Variants in PCDH9 observed in about 807,000 individuals in gnomAD.
PCDH9 encodes protocadherin-9.
PCDH9 carries 24 observed loss-of-function variants against 70.6 expected under a neutral mutation model. The ratio of observed to expected loss-of-function variants is 0.34; its 90% CI spans 0.25 to 0.48. The LOEUF (loss-of-function observed/expected upper bound fraction) is 0.48, where lower values mean the gene tolerates loss of function less well. PCDH9 is among the 20% of genes least tolerant of loss of function. The probability of loss-of-function intolerance (pLI) is 0.99; values close to 1 mark genes in which losing one functional copy is unlikely to be tolerated. For synonymous variants in PCDH9, 562 were observed against 558.5 expected, an observed-to-expected ratio of 1.01 and a Z score of -0.09; for missense variants, 1,281 against 1,503.6, an observed-to-expected ratio of 0.85 and a Z score of 2.45.
At chr13:66,440,149 A>T (rs1246064232) in intron 4 of PCDH9, among the ~76,000 whole-genome samples, 1 of 152,218 alleles carries the variant, frequency 6.6e-6, no homozygotes, top group Non-Finnish European at 1.5e-5. Context: ...TACTTCGATG[A>T]GAAGTCTTTC....
At position 67,228,209 on chromosome 13, in the gene PCDH9, C is replaced by T; in HGVS notation, c.232G>A (p.Val78Ile). ...SKAGDAPLVK[V>I]SSSTGEIFTT... ...AAAATTTCCCCAGTGCTGCTGGAAA[C>T]TTTCACCAAAGGGGCATCCCCAGCT... is the stretch of plus-strand genomic sequence containing the variant. The change falls in exon 2 of 5, where the codon GTT becomes ATT. Residue 78 changes from valine (V) to isoleucine (I), a missense_variant. Val to Ile is a conservative substitution (Grantham distance 29, BLOSUM62 3). Coordinates refer to ENST00000377865, the MANE Select transcript of PCDH9 (RefSeq NM_203487.3). 1 of 1,612,276 alleles carries T rather than the reference C, an allele frequency of 6.2e-7. No individual in the cohort carries two copies. Among genetic ancestry groups the T allele is most frequent in the Non-Finnish European group, 8.5e-7 (1 of 1,179,292 alleles).
chr13:67,020,278 T>C (rs979308499), intron 2 of PCDH9, among the ~76,000 whole-genome samples: 3 of 152,196 alleles, frequency 2.0e-5, no homozygotes, highest in African/African-American at 7.2e-5. Context: ...ATATTATGTA[T>C]GACTTATGCC....
intron 3 of PCDH9, among the ~76,000 whole-genome samples, chr13:66,851,889 G>A (rs886295206): frequency 6.6e-6 from 1 of 152,054 alleles, no homozygotes; most frequent in African/African-American, 2.4e-5. Flanking sequence ...CCAATATCAA[G>A]GTGTCAGCCA....
chr13:66,892,371 G>T (rs987362186), intron 3 of PCDH9, among the ~76,000 whole-genome samples: 6 of 151,432 alleles, frequency 4.0e-5, no homozygotes, highest in African/African-American at 1.5e-4. Context: ...TCCATAATAA[G>T]ATGTCCATTT....
chr13:66,991,070 C>T (rs544012642), intron 2 of PCDH9: 1 of 152,050 alleles, frequency 6.6e-6, no homozygotes, highest in Admixed American at 6.6e-5. Flanking sequence ...TCCAACTTGC[C>T]AGTTACACAT....
At chr13:66,497,886 T>C (rs917032274) in intron 4 of PCDH9, among the ~76,000 whole-genome samples, 2 of 150,262 alleles carry the variant, frequency 1.3e-5, no homozygotes, top group Non-Finnish European at 3.0e-5. Context: ...TGGTGTGATC[T>C]TGGCTGACTG....
chr13:66,472,624 T>C (rs1958642437), intron 4 of PCDH9, among the ~76,000 whole-genome samples: 1 of 152,144 alleles, frequency 6.6e-6, no homozygotes, highest in Non-Finnish European at 1.5e-5. Flanking sequence ...GTTCTTTCGA[T>C]TGTCTTACTT....
chr13:67,110,711 T>C (rs1204143752), intron 2 of PCDH9, among the ~76,000 whole-genome samples: 3 of 152,164 alleles, frequency 2.0e-5, no homozygotes, highest in Admixed American at 6.5e-5. Context: ...GGTAAGGAAA[T>C]AGAAGTTCCT....
chr13:67,164,945 T>C (rs182640072), intron 2 of PCDH9, among the ~76,000 whole-genome samples: 2 of 152,270 alleles, frequency 1.3e-5, no homozygotes, highest in East Asian at 3.9e-4. Flanking sequence ...GTTAATTCAT[T>C]TACCTGTTGA....
intron 2 of PCDH9, among the ~76,000 whole-genome samples, chr13:67,012,201 A>T (rs2084464675): frequency 6.6e-6 from 1 of 151,882 alleles, no homozygotes; most frequent in Non-Finnish European, 1.5e-5. Flanking sequence ...ATTTTTAAAC[A>T]GTGATTCTAT....
At chr13:67,069,554 C>A (rs1374896564) in intron 2 of PCDH9, among the ~76,000 whole-genome samples, 1 of 152,070 alleles carries the variant, frequency 6.6e-6, no homozygotes, top group Non-Finnish European at 1.5e-5. Flanking sequence ...AGCATCAGAC[C>A]AGTTACAAGC....
At chr13:67,202,100 G>T (rs2089227937) in intron 2 of PCDH9, 1 of 151,668 alleles carries the variant, frequency 6.6e-6, no homozygotes, top group Admixed American at 6.6e-5. Flanking sequence ...TTTTCTATAG[G>T]ATCCTTTAAA....
chr13:67,160,678 A>G (rs1286669036), intron 2 of PCDH9, among the ~76,000 whole-genome samples: 2 of 152,188 alleles, frequency 1.3e-5, no homozygotes, highest in African/African-American at 4.8e-5. Context: ...TCAGATATAA[A>G]CTAGCATTTT....
chr13:66,334,262 C>A (rs1955993742), intron 4 of PCDH9, among the ~76,000 whole-genome samples: 1 of 152,070 alleles, frequency 6.6e-6, no homozygotes, highest in African/African-American at 2.4e-5. Context: ...ACCTTTTAAT[C>A]TCCCGCATAT....
intron 2 of PCDH9, among the ~76,000 whole-genome samples, chr13:66,929,173 T>C (rs2082764383): frequency 6.6e-6 from 1 of 152,074 alleles, no homozygotes; most frequent in Non-Finnish European, 1.5e-5. Context: ...ATTATAGTTA[T>C]AAAATATTTT....
intron 3 of PCDH9, among the ~76,000 whole-genome samples, chr13:66,820,814 G>A (rs1566216419): frequency 6.6e-6 from 1 of 152,000 alleles, no homozygotes; most frequent in Admixed American, 6.6e-5. Context: ...CACATAGAGG[G>A]GAGCAACACA....
intron 2 of PCDH9, chr13:67,208,995 G>A (rs1333057400): frequency 7.2e-5 from 11 of 152,148 alleles, no homozygotes; most frequent in African/African-American, 2.4e-4. Flanking sequence ...GATTGTGTAA[G>A]TATTATATAT....
At chr13:66,660,764 A>G (rs989501308) in intron 3 of PCDH9, among the ~76,000 whole-genome samples, 1 of 152,078 alleles carries the variant, frequency 6.6e-6, no homozygotes, top group African/African-American at 2.4e-5. Context: ...ATCAGTTTAA[A>G]TATCATATTT....
chr13:66,563,843 C>G (rs1479244878), intron 4 of PCDH9, among the ~76,000 whole-genome samples: 2 of 152,162 alleles, frequency 1.3e-5, no homozygotes, highest in Non-Finnish European at 2.9e-5. Context: ...TGCCCACCCC[C>G]TCTGTTTTGA....
Sources: gnomAD v4.1 joint callset for allele counts (sites outside exome capture counted in the v4.1 genomes callset) on GRCh38, gnomAD v4.1.1 for gene constraint, MANE v1.5 for transcripts, NCBI Gene and HGNC (gene_info 2026-07-23, HGNC 2026-07-21) for gene names.